EPB41L2: variants seen among roughly 807,000 people sequenced by gnomAD.
EPB41L2 encodes the protein band 4.1-like protein 2.
Under a neutral mutation model 113.0 loss-of-function variants are expected in EPB41L2, and 43 were observed. The observed-to-expected ratio is 0.38, with a 90% CI of 0.30 to 0.49. The LOEUF (loss-of-function observed/expected upper bound fraction) is 0.49, where lower values mean the gene tolerates loss of function less well. EPB41L2 is among the 20% of genes least tolerant of loss of function. The pLI, the probability that EPB41L2 is intolerant of heterozygous loss-of-function variation, is 0.95. For missense variants in EPB41L2, 1,147 were observed against 1,223.4 expected, an observed-to-expected ratio of 0.94 and a Z score of 0.93; for synonymous variants, 442 against 436.7, an observed-to-expected ratio of 1.01 and a Z score of -0.15.
At chr6:130,991,697 G>T (rs1219959848) in intron 1 of EPB41L2, among the ~76,000 whole-genome samples, 3 of 152,116 alleles carry the variant, frequency 2.0e-5, no homozygotes, top group Non-Finnish European at 4.4e-5. Context: ...TAAAATCATG[G>T]CCAAAAATAA....
intron 18 of EPB41L2, among the ~76,000 whole-genome samples, chr6:130,860,422 C>A (rs1352778455): frequency 6.6e-6 from 1 of 152,244 alleles, no homozygotes; most frequent in African/African-American, 2.4e-5. Context: ...AAACTCCTTT[C>A]ATTCCATAAT....
At position 130,926,701 on chromosome 6, in the gene EPB41L2, G is replaced by A; in HGVS notation, c.714C>T (p.Ala238=). The A allele has an allele frequency of 6.3e-7, 1 of 1,594,466 alleles. No homozygotes were observed. The highest frequency in any genetic ancestry group is 8.5e-7 in the Non-Finnish European group (1 of 1,174,272). ...TEYSCDLEKH[A]KGQVLFDKVC... ...CTTTGTCAAATAACACTTGTCCCTT[G>A]GCATGTTTCTGGAGAAAAAATAATA... is the stretch of plus-strand genomic sequence containing the variant. Residue 238 remains alanine (A), a synonymous_variant, in exon 4 of 20, where the codon GCC becomes GCT. Coordinates refer to ENST00000337057, the MANE Select transcript of EPB41L2 (RefSeq NM_001431.4).
At chr6:131,001,864 T>G (rs1308686250) in intron 1 of EPB41L2, among the ~76,000 whole-genome samples, 3 of 152,176 alleles carry the variant, frequency 2.0e-5, no homozygotes, top group African/African-American at 7.2e-5. Flanking sequence ...TCCCTCAAGA[T>G]AAAGAAAGCC....
In EPB41L2 at chr6:130,858,017, C is replaced by T. The variant is rs989934071; in HGVS notation, c.*5+114G>A. The T allele has an allele frequency of 4.7e-6, 4 of 845,512 alleles. 1 individual carries two copies. Among genetic ancestry groups the T allele is most frequent in the Non-Finnish European group, 8.0e-6 (4 of 500,310 alleles). The allele number at this position is 845,512 out of a possible 1,614,324, so 52.4% of individuals were successfully genotyped here. A position where few individuals can be genotyped will look rare whatever the true frequency, so the allele number is the denominator to read the frequency against. On this transcript the variant is annotated intron_variant, in intron 19 of 19. Coordinates refer to ENST00000337057, the MANE Select transcript of EPB41L2 (RefSeq NM_001431.4). ...TGGGGATGATAACAGTCTAGAAAGT[C>T]AAATGTACTATAGGAAGAAGACACT...
At chr6:130,947,019 C>A (rs901549690) in intron 3 of EPB41L2, among the ~76,000 whole-genome samples, 3 of 117,590 alleles carry the variant, frequency 2.6e-5, no homozygotes, top group East Asian at 2.7e-4. Context: ...TAAAGAAGAC[C>A]CCCCCCCCAG....
chr6:130,974,846 C>T (rs1777829173), intron 1 of EPB41L2, among the ~76,000 whole-genome samples: 1 of 148,762 alleles, frequency 6.7e-6, no homozygotes. Context: ...CTGCCTCAGG[C>T]TCCCGAGTTC....
chr6:130,890,568 C>T (rs1297879678), intron 10 of EPB41L2, 102 bp from the exon 11 acceptor site: 3 of 1,330,252 alleles, frequency 2.3e-6, no homozygotes, highest in Non-Finnish European at 3.0e-6. Context: ...ACTTTCATAT[C>T]TCATTTTAAG....
At chr6:130,888,190 C>T (rs1225243887) in intron 11 of EPB41L2, among the ~76,000 whole-genome samples, 1 of 152,140 alleles carries the variant, frequency 6.6e-6, no homozygotes, top group East Asian at 1.9e-4. Context: ...AGGTTACAGC[C>T]TAGCTTTGCT....
intron 4 of EPB41L2, among the ~76,000 whole-genome samples, chr6:130,915,353 G>C (rs1800695481): frequency 1.3e-5 from 2 of 152,180 alleles, no homozygotes; most frequent in Non-Finnish European, 2.9e-5. Context: ...CATGAAATTG[G>C]GAGGTAATGA....
intron 3 of EPB41L2, among the ~76,000 whole-genome samples, chr6:130,952,271 G>T (rs1286605819): frequency 2.0e-5 from 3 of 151,386 alleles, no homozygotes; most frequent in Non-Finnish European, 4.4e-5. Context: ...AGTAAAACTG[G>T]ATTCCATCAA....
At chr6:130,852,641 G>T (rs1467849929) in intron 19 of EPB41L2, among the ~76,000 whole-genome samples, 4 of 152,104 alleles carry the variant, frequency 2.6e-5, no homozygotes, top group African/African-American at 9.7e-5. Context: ...GCCTCATGCT[G>T]ACCGTCAACA....
intron 1 of EPB41L2, among the ~76,000 whole-genome samples, chr6:131,025,716 G>T (rs1790713409): frequency 6.6e-6 from 1 of 152,110 alleles, no homozygotes; most frequent in Non-Finnish European, 1.5e-5. Flanking sequence ...CCCTGTCTTT[G>T]TTCCTATAGC....
intron 3 of EPB41L2, among the ~76,000 whole-genome samples, chr6:130,932,662 T>C (rs928710845): frequency 6.6e-6 from 1 of 151,918 alleles, no homozygotes; most frequent in African/African-American, 2.4e-5. Flanking sequence ...AGAGCATTAT[T>C]CACATCTATG....
intron 1 of EPB41L2, among the ~76,000 whole-genome samples, chr6:130,999,047 C>A (rs1219120205): frequency 6.6e-6 from 1 of 152,164 alleles, no homozygotes; most frequent in Non-Finnish European, 1.5e-5. Context: ...CAAGCCTCTT[C>A]TCAAAAGACA....
chr6:130,886,657 A>T (rs1037151815), intron 11 of EPB41L2, among the ~76,000 whole-genome samples: 2 of 152,116 alleles, frequency 1.3e-5, no homozygotes, highest in Non-Finnish European at 2.9e-5. Context: ...TTTTTGAGAC[A>T]CAGTCTCGCT....
At chr6:131,032,968 C>G (rs1288453447) in intron 1 of EPB41L2, among the ~76,000 whole-genome samples, 3 of 152,144 alleles carry the variant, frequency 2.0e-5, no homozygotes, top group Non-Finnish European at 4.4e-5. Flanking sequence ...CTCTGTCACC[C>G]GGATTCAAGC....
At chr6:130,843,802 G>A (rs958419544) in intron 19 of EPB41L2, among the ~76,000 whole-genome samples, 2 of 152,156 alleles carry the variant, frequency 1.3e-5, no homozygotes, top group African/African-American at 4.8e-5. Context: ...TCTAATCACA[G>A]GAGTAATTCT....
chr6:130,961,635 T>C (rs1433256995), intron 1 of EPB41L2, among the ~76,000 whole-genome samples: 2 of 152,168 alleles, frequency 1.3e-5, no homozygotes, highest in Non-Finnish European at 2.9e-5. Context: ...TCATGCTAAT[T>C]CTTGGGTTCA....
intron 1 of EPB41L2, among the ~76,000 whole-genome samples, chr6:131,009,772 A>T (rs1374569592): frequency 2.0e-5 from 3 of 152,072 alleles, no homozygotes; most frequent in African/African-American, 7.2e-5. Flanking sequence ...ATACAGGAAA[A>T]TTTACTTTCA....
Sources: gnomAD v4.1 joint callset for allele counts (sites outside exome capture counted in the v4.1 genomes callset) on GRCh38, gnomAD v4.1.1 for gene constraint, MANE v1.5 for transcripts, NCBI Gene and HGNC (gene_info 2026-07-23, HGNC 2026-07-21) for gene names.